MAP7: variants seen among roughly 807,000 people sequenced by gnomAD.
The protein encoded by MAP7 is microtubule associated protein 7, also known as ensconsin.
Under a neutral mutation model 94.8 loss-of-function variants are expected in MAP7, and 52 were observed. The observed-to-expected ratio is 0.55, with a 90% CI of 0.44 to 0.69. The LOEUF is 0.69. Among genes scored for constraint, MAP7 ranks in the 30% least tolerant of loss-of-function variants. The pLI is 0.00. For missense variants in MAP7, 940 were observed against 964.6 expected (o/e 0.97, Z 0.34); for synonymous variants, 350 against 357.0 (o/e 0.98, Z 0.22).
In MAP7 at chr6:136,362,713, AG is replaced by A. The variant is rs769083501; in HGVS notation, c.1274-12del. The A allele has an allele frequency of 3.9e-6, 6 of 1,547,516 alleles. No individual in the cohort carries two copies. In the African/African-American group the frequency reaches 8.3e-5, roughly 21 times the overall value. On this transcript the variant is annotated splice_polypyrimidine_tract_variant and intron_variant, in intron 10 of 17. Coordinates refer to ENST00000354570, the MANE Select transcript of MAP7 (RefSeq NM_003980.6). ...CCATGGCTGGAGCAGCTGCACAAAT[AG>A]GTACAAGGAGAAAACCAGTTGGAAA...
intron 1 of MAP7, among the ~76,000 whole-genome samples, chr6:136,520,941 C>T (rs564830323): frequency 6.6e-6 from 1 of 152,268 alleles, no homozygotes; most frequent in East Asian, 1.9e-4. Flanking sequence ...AGGTGCCATG[C>T]TAAGGGGCTT....
At chr6:136,526,477 C>A in intron 1 of MAP7, 1 of 985,762 alleles carries the variant, frequency 1.0e-6, no homozygotes, top group Non-Finnish European at 1.2e-6. Flanking sequence ...TGATATGCTG[C>A]CGTTAACAGT....
At chr6:136,495,842 C>G (rs1438036788) in intron 1 of MAP7, among the ~76,000 whole-genome samples, 1 of 152,098 alleles carries the variant, frequency 6.6e-6, no homozygotes, top group Admixed American at 6.5e-5. Context: ...TTAAGGATCA[C>G]AGGTCTTGAA....
chr6:136,475,127 A>G (rs1810444900), intron 1 of MAP7, among the ~76,000 whole-genome samples: 1 of 152,214 alleles, frequency 6.6e-6, no homozygotes, highest in African/African-American at 2.4e-5. Flanking sequence ...AATTTTTACT[A>G]TGACTTTATA....
intron 1 of MAP7, among the ~76,000 whole-genome samples, chr6:136,538,536 A>G (rs1684716453): frequency 6.6e-6 from 1 of 152,158 alleles, no homozygotes; most frequent in Admixed American, 6.5e-5. Context: ...CTGTAATCCC[A>G]GCACTTTGGG....
chr6:136,527,532 A>G (rs181575616), intron 1 of MAP7, among the ~76,000 whole-genome samples: 1 of 152,304 alleles, frequency 6.6e-6, no homozygotes, highest in East Asian at 1.9e-4. Flanking sequence ...ACTTTGGACA[A>G]TTCACTTAAC....
intron 1 of MAP7, among the ~76,000 whole-genome samples, chr6:136,443,121 G>T: frequency 6.6e-6 from 1 of 151,980 alleles, no homozygotes; most frequent in Non-Finnish European, 1.5e-5. Flanking sequence ...AAATCTAGGG[G>T]GATGTCTAAT....
chr6:136,396,598 T>C (rs1782570426), intron 3 of MAP7, among the ~76,000 whole-genome samples: 1 of 152,138 alleles, frequency 6.6e-6, no homozygotes, highest in Non-Finnish European at 1.5e-5. Flanking sequence ...GTGCTCTCCA[T>C]AGTGCCTTTC....
chr6:136,400,670 T>C (rs894542099), intron 3 of MAP7, among the ~76,000 whole-genome samples: 3 of 152,108 alleles, frequency 2.0e-5, no homozygotes, highest in Non-Finnish European at 4.4e-5. Flanking sequence ...GAAGATCAAA[T>C]GAGGAAAAAG....
At position 136,360,724 on chromosome 6, in the gene MAP7, T is replaced by C. The variant is rs752565691; in HGVS notation, c.1776A>G (p.Glu592=). 4.3e-6 allele frequency: 7 copies of C among 1,614,072 alleles called. No individual in the cohort carries two copies. Among genetic ancestry groups the C allele is most frequent in the African/African-American group, 2.7e-5 (2 of 74,942 alleles). Residue 592 remains glutamate (E), a synonymous_variant, in exon 13 of 18, where the codon GAA becomes GAG. Coordinates refer to ENST00000354570, the MANE Select transcript of MAP7 (RefSeq NM_003980.6). ...TCTTTCTCTCCAGGCGCTCTTGCTC[T>C]TCTCTCTGGAAATGCTTCTCTCGTT... ...RQEREKHFQR[E]EQERLERKKR...
intron 1 of MAP7, among the ~76,000 whole-genome samples, chr6:136,470,155 A>G (rs1346804936): frequency 6.6e-6 from 1 of 152,130 alleles, no homozygotes; most frequent in African/African-American, 2.4e-5. Flanking sequence ...CAAATCTGCA[A>G]TCTGACACCT....
At chr6:136,388,304 T>A in intron 5 of MAP7, 89 bp downstream of exon 5, 1 of 966,172 alleles carries the variant, frequency 1.0e-6, no homozygotes. Flanking sequence ...AGGATTTTTG[T>A]TTCGCAAACA....
At chr6:136,447,297 A>G (rs1271480033) in intron 1 of MAP7, among the ~76,000 whole-genome samples, 2 of 152,206 alleles carry the variant, frequency 1.3e-5, no homozygotes, top group Non-Finnish European at 2.9e-5. Flanking sequence ...TTTCTCTTTC[A>G]GCAAAGTGAG....
chr6:136,362,144 G>T (rs1457013294), intron 11 of MAP7, among the ~76,000 whole-genome samples: 1 of 151,918 alleles, frequency 6.6e-6, no homozygotes, highest in Admixed American at 6.6e-5. Context: ...AACATGGCTG[G>T]GCATGGTGGC....
intron 2 of MAP7, chr6:136,420,244 G>GT: frequency 1.0e-6 from 1 of 989,806 alleles, no homozygotes. Context: ...ATCTGACAGG[G>GT]CCGCGCCAGG....
intron 1 of MAP7, among the ~76,000 whole-genome samples, chr6:136,437,496 C>G (rs564681825): frequency 3.5e-4 from 53 of 152,248 alleles, no homozygotes; most frequent in African/African-American, 1.2e-3. Context: ...CTGCTACTTA[C>G]AATAATCAAT....
intron 1 of MAP7, among the ~76,000 whole-genome samples, chr6:136,422,442 A>G (rs1466707306): frequency 6.6e-6 from 1 of 152,174 alleles, no homozygotes; most frequent in Admixed American, 6.5e-5. Context: ...TCAATTAAAC[A>G]GGAGTTCTGG....
At chr6:136,543,020 A>G (rs1479249806) in intron 1 of MAP7, among the ~76,000 whole-genome samples, 2 of 152,218 alleles carry the variant, frequency 1.3e-5, no homozygotes, top group African/African-American at 4.8e-5. Flanking sequence ...GTAAGAATGT[A>G]AAACCGTAGA....
At chr6:136,390,732 A>G (rs1780472778) in intron 3 of MAP7, among the ~76,000 whole-genome samples, 1 of 152,252 alleles carries the variant, frequency 6.6e-6, no homozygotes, top group East Asian at 1.9e-4. Flanking sequence ...AATGTTTAAT[A>G]TTAAAGAATG....
Sources: allele counts gnomAD v4.1 joint callset (sites outside exome capture counted in the v4.1 genomes callset), GRCh38; gene constraint gnomAD v4.1.1; transcripts MANE v1.5; gene names NCBI Gene and HGNC (gene_info 2026-07-23, HGNC 2026-07-21).